The following TRANK1 variants were observed in gnomAD, a reference collection of about 807,000 sequenced individuals.
TRANK1 encodes the protein TPR and ankyrin repeat-containing protein 1.
In TRANK1, 198 loss-of-function variants were observed where a neutral mutation model predicts 266.0. That is an observed-to-expected ratio of 0.74 (90% CI 0.66 to 0.84). The LOEUF (loss-of-function observed/expected upper bound fraction) is 0.84, where lower values mean the gene tolerates loss of function less well. Ranked by LOEUF, TRANK1 falls within the 40% of genes least tolerant of loss-of-function variation. TRANK1 has a pLI of 0.00. For synonymous variants in TRANK1, 1,396 were observed against 1,384.1 expected, an observed-to-expected ratio of 1.01 and a Z score of -0.19; for missense variants, 3,326 against 3,634.6, an observed-to-expected ratio of 0.92 and a Z score of 2.18.
In TRANK1 at chr3:36,856,624, C is replaced by G. The variant is rs769535933; in HGVS notation, c.3098G>C (p.Ser1033Thr). The change falls in exon 13 of 24, where the codon AGC becomes ACC. Residue 1033 changes from serine (S) to threonine (T), a missense_variant. Physicochemically the swap from Ser to Thr is moderately conservative, Grantham distance 58. Transcript: ENST00000645898. ...GAGGATGTTAAAGGCCATGTTGGTGCTGAAGCTGTGGAACTTCATGATGTT... is the reference window on the plus strand; with the variant it reads ...GAGGATGTTAAAGGCCATGTTGGTGGTGAAGCTGTGGAACTTCATGATGTT... ...EYNIMKFHSF[S>T]TNMAFNILND... The G allele has an allele frequency of 1.9e-6, 3 of 1,614,030 alleles. No homozygotes were observed. The highest frequency in any genetic ancestry group is 1.6e-4 in the Middle Eastern group (1 of 6,062).
Position 36,852,308 on chromosome 3 carries a change from A to T in TRANK1, c.4587T>A (p.Leu1529=). 6.2e-7 allele frequency: 1 copy of T among 1,600,904 alleles called. No individual in the cohort carries two copies. The highest frequency in any genetic ancestry group is 8.5e-7 in the Non-Finnish European group (1 of 1,175,622). Residue 1529 remains leucine, a synonymous_variant, in exon 14 of 24, where the codon CTT becomes CTA. Transcript: ENST00000645898. ...LNLASGVVDL[L]QFYFPESFDR... ...CAAAAGATTCTGGGAAATAGAACTG[A>T]AGTAAATCCACCACTCCAGATGCCA...
chr3:36,831,224 TG>T lies in TRANK1; in HGVS notation c.8358del (p.Ser2787AlafsTer38), dbSNP rs755823429. 6.2e-7 allele frequency: 1 copy of T among 1,613,848 alleles called. No individual in the cohort carries two copies. The highest frequency in any genetic ancestry group is 1.1e-5 in the South Asian group (1 of 91,078). ...FTRGPENYFS[P>X]SKAFEGAASE... ...GAAGCTGCCCCCTCAAACGCTTTGC[TG>T]GGGCTGAAATAGTTCTCTGGGCCAC... On this transcript the variant is annotated frameshift_variant, in exon 22 of 24. Coordinates refer to ENST00000645898, the MANE Select transcript of TRANK1 (RefSeq NM_001329998.2). LOFTEE classifies it high-confidence loss of function. This position sits in a 1 kb window ranked among gnomAD's most constrained non-coding sequence, Gnocchi z 5.0.
chr3:36,909,374 C>T (rs2080019968), intron 1 of TRANK1, among the ~76,000 whole-genome samples: 1 of 152,128 alleles, frequency 6.6e-6, no homozygotes, highest in African/African-American at 2.4e-5. Context: ...CATGGGGGGC[C>T]TTGGTAAGTG....
chr3:36,852,407 T>C, intron 13 of TRANK1, 62 bp from the exon 14 acceptor site: 2 of 1,443,102 alleles, frequency 1.4e-6, no homozygotes, highest in South Asian at 1.4e-5. Context: ...TTTTGGTTAT[T>C]TGGGGTGGGG....
intron 15 of TRANK1, chr3:36,851,439 G>T: frequency 8.6e-7 from 1 of 1,157,834 alleles, no homozygotes; most frequent in Non-Finnish European, 1.1e-6. Flanking sequence ...GGATAACAGT[G>T]GCTAATGAGA....
Position 36,828,154 on chromosome 3 carries a change from G to A in TRANK1, c.*121C>T, listed in dbSNP as rs928763102. 1 of 712,746 alleles carries A rather than the reference G, an allele frequency of 1.4e-6. No homozygotes were observed. The highest frequency in any genetic ancestry group is 2.4e-6 in the Non-Finnish European group (1 of 416,956). The allele number at this position is 712,746 out of a possible 1,614,324, so 44.2% of individuals were successfully genotyped here. On this transcript the variant is annotated 3_prime_UTR_variant, in exon 24 of 24. Transcript: ENST00000645898. ...AATGAGAATAAAAAGCAATGGTGTT[G>A]TTAGACTCCCCTATTTTTAAAATGC...
rs144731096 is a variant in TRANK1, at chr3:36,828,042, G to A, written c.*233C>T. On this transcript the variant is annotated 3_prime_UTR_variant, in exon 24 of 24. Transcript: ENST00000645898. ...ACAACTTCTCTACCTGAATTTGTTT[G>A]TGGGGGAAACTAATACTGCCAGACT... 283 of 482,112 alleles carry A rather than the reference G, an allele frequency of 5.9e-4. 1 individual carries two copies. The East Asian group carries it at 8.9e-3, about 15-fold the overall frequency. The allele number at this position is 482,112 out of a possible 1,614,324, so 29.9% of individuals were successfully genotyped here.
At chr3:36,919,179 G>A (rs2080179878) in intron 1 of TRANK1, among the ~76,000 whole-genome samples, 1 of 152,070 alleles carries the variant, frequency 6.6e-6, no homozygotes, top group South Asian at 2.1e-4. Flanking sequence ...CTAGTATAAT[G>A]CGTGTAACAT....
rs141679024 is a variant in TRANK1 at position 36,925,884 on chromosome 3, G to A, written c.24-17430C>T. Reference sequence around the variant, plus strand: ...CAGACATGAGCCACTGTGCCCGGCCGTTGAATCTTATTCTTAAAGCTAACT... The same window carrying A: ...CAGACATGAGCCACTGTGCCCGGCCATTGAATCTTATTCTTAAAGCTAACT... On this transcript the variant is annotated intron_variant, in intron 1 of 23. Coordinates refer to ENST00000645898, the MANE Select transcript of TRANK1 (RefSeq NM_001329998.2). 5.5e-3 allele frequency among the ~76,000 whole-genome samples: 831 copies of A among 152,176 alleles called. 8 individuals carry two copies. The highest frequency in any genetic ancestry group is 0.019 in the African/African-American group (793 of 41,530).
At position 36,940,936 on chromosome 3, in the gene TRANK1, G is replaced by A. The variant is rs1479787009; in HGVS notation, c.23+3851C>T. On this transcript the variant is annotated intron_variant, in intron 1 of 23. Coordinates refer to ENST00000645898, the MANE Select transcript of TRANK1 (RefSeq NM_001329998.2). ...CTGGCCAATGAGTTCAGGCCAATGA[G>A]TCCCTAGAAGTCATCAGTGATTGAG... is the stretch of plus-strand genomic sequence containing the variant. 3.3e-5 allele frequency among the ~76,000 whole-genome samples: 5 copies of A among 152,298 alleles called. No homozygotes were observed. The East Asian group carries it at 9.7e-4, about 29-fold the overall frequency.
At chr3:36,926,345 C>T (rs1044692716) in intron 1 of TRANK1, among the ~76,000 whole-genome samples, 2 of 152,208 alleles carry the variant, frequency 1.3e-5, no homozygotes, top group Admixed American at 1.3e-4. Context: ...TGTGCCCTCG[C>T]AAACAAGCAC....
chr3:36,916,652 A>G (rs920119506), intron 1 of TRANK1, among the ~76,000 whole-genome samples: 3 of 152,226 alleles, frequency 2.0e-5, no homozygotes, highest in Non-Finnish European at 4.4e-5. Context: ...AAATGGATGC[A>G]GGAAGAGCAG....
intron 11 of TRANK1, 131 bp from the exon 12 acceptor site, chr3:36,859,025 CCAG>C (rs1456233451): frequency 7.9e-6 from 9 of 1,142,298 alleles, no homozygotes; most frequent in Non-Finnish European, 1.1e-5. Context: ...GATCCTCCTA[CCAG>C]CACCCATTCT....
chr3:36,856,187 A>C lies in TRANK1; in HGVS notation c.3535T>G (p.Cys1179Gly). 6.2e-7 allele frequency: 1 copy of C among 1,613,864 alleles called. No individual in the cohort carries two copies. Among genetic ancestry groups the C allele is most frequent in the Non-Finnish European group, 8.5e-7 (1 of 1,179,874 alleles). ...PAGDGQAAEV[C>G]APEHPHQLEH... ...AGCTGGTGGGGATGTTCTGGTGCAC[A>C]TACTTCTGCAGCTTGGCCGTCCCCT... Residue 1179 changes from cysteine (C) to glycine (G), a missense_variant, in exon 13 of 24, where the codon TGT becomes GGT. Transcript: ENST00000645898.
intron 7 of TRANK1, among the ~76,000 whole-genome samples, 174 bp from the exon 8 acceptor site, chr3:36,890,134 A>C (rs1376014519): frequency 6.6e-6 from 1 of 152,232 alleles, no homozygotes; most frequent in Non-Finnish European, 1.5e-5. Flanking sequence ...CACTCACCAC[A>C]AACAGGTGTG....
intron 1 of TRANK1, among the ~76,000 whole-genome samples, chr3:36,924,564 C>T (rs923548280): frequency 1.3e-5 from 2 of 152,130 alleles, no homozygotes; most frequent in East Asian, 3.8e-4. Context: ...CAAAAGAAAT[C>T]ATCAAATTAA....
Position 36,832,722 on chromosome 3 carries a change from C to T in TRANK1, c.6861G>A (p.Met2287Ile), listed in dbSNP as rs551611172. The change falls in exon 22 of 24, where the codon ATG becomes ATA. Residue 2287 changes from methionine to isoleucine, a missense_variant. By Grantham distance (10) the Met-to-Ile change is conservative. Transcript: ENST00000645898. Reference protein sequence around the residue: ...FHQRVLSENPMACKEILKPNY... With the variant: ...FHQRVLSENPIACKEILKPNY... ...TTGGTTTGAGGATTTCTTTGCATGC[C>T]ATGGGGTTTTCTGACAACACTCTCT... The T allele has an allele frequency of 5.6e-5, 91 of 1,613,990 alleles. No individual in the cohort carries two copies. The East Asian group carries it at 1.8e-3, about 32-fold the overall frequency.
At position 36,827,535 on chromosome 3, in the gene TRANK1, C is replaced by T. The variant is rs917184609; in HGVS notation, c.*740G>A. 2 of 152,268 alleles carry T rather than the reference C, an allele frequency of 1.3e-5. No individual in the cohort carries two copies. The highest frequency in any genetic ancestry group is 4.8e-5 in the African/African-American group (2 of 41,462). 9.4% of individuals were successfully genotyped at this position (152,268 alleles called of 1,614,324 possible). A position where few individuals can be genotyped will look rare whatever the true frequency, so the allele number is the denominator to read the frequency against. ...TTGGAGAGGCAGCTGGGAATGCTCC[C>T]AGCAACATTCCCCAGCCTTTCCCCC... On this transcript the variant is annotated 3_prime_UTR_variant, in exon 24 of 24. Coordinates refer to ENST00000645898, the MANE Select transcript of TRANK1 (RefSeq NM_001329998.2).
Position 36,831,715 on chromosome 3 carries a change from T to C in TRANK1, c.7868A>G (p.Asn2623Ser), listed in dbSNP as rs371240661. Reference sequence around the variant, plus strand: ...CAGTGCCTCAGCCACAGACTTCACATTGACTGCCACCAAGACCCGCTTCAC... The same window carrying C: ...CAGTGCCTCAGCCACAGACTTCACACTGACTGCCACCAAGACCCGCTTCAC... ...KVVKRVLVAV[N>S]VKSVAEALQD... The change falls in exon 22 of 24, where the codon AAT becomes AGT. Residue 2623 changes from asparagine (N) to serine (S), a missense_variant. By Grantham distance (46) the Asn-to-Ser change is conservative. Coordinates refer to ENST00000645898, the MANE Select transcript of TRANK1 (RefSeq NM_001329998.2). This position sits in a 1 kb window ranked among gnomAD's most constrained non-coding sequence, Gnocchi z 5.0. 7.6e-5 allele frequency: 123 copies of C among 1,613,938 alleles called. No individual in the cohort carries two copies. Among genetic ancestry groups the C allele is most frequent in the Middle Eastern group, 6.6e-4 (4 of 6,060 alleles).
Sources: gnomAD v4.1 joint callset for allele counts (sites outside exome capture counted in the v4.1 genomes callset) on GRCh38, gnomAD v4.1.1 for gene constraint, Gnocchi (gnomAD v3.1) non-coding constraint, MANE v1.5 for transcripts, NCBI Gene and HGNC (gene_info 2026-07-23, HGNC 2026-07-21) for gene names.